Variants in SCAMP1 observed in about 807,000 individuals in gnomAD.
SCAMP1 encodes secretory carrier membrane protein 1.
A neutral mutation model predicts 41.8 loss-of-function variants in SCAMP1; 15 were observed. The observed-to-expected ratio is 0.36, with a 90% confidence interval of 0.24 to 0.55. The LOEUF (loss-of-function observed/expected upper bound fraction) is 0.55, where lower values mean the gene tolerates loss of function less well. Ranked by LOEUF, SCAMP1 falls within the 20% of genes least tolerant of loss-of-function variation. The probability of loss-of-function intolerance (pLI) is 0.86; values close to 1 mark genes in which losing one functional copy is unlikely to be tolerated. For missense variants in SCAMP1, 341 were observed against 412.6 expected (o/e 0.83, Z 1.50); for synonymous variants, 135 against 136.8 (o/e 0.99, Z 0.09).
intron 1 of SCAMP1, among the ~76,000 whole-genome samples, chr5:78,366,651 C>A (rs1750803423): frequency 6.6e-6 from 1 of 152,160 alleles, no homozygotes; most frequent in African/African-American, 2.4e-5. Flanking sequence ...TTTACCTTGA[C>A]AATGATACTT....
chr5:78,396,188 A>G (rs1441470034), intron 2 of SCAMP1, among the ~76,000 whole-genome samples: 1 of 152,210 alleles, frequency 6.6e-6, no homozygotes, highest in Non-Finnish European at 1.5e-5. Context: ...ATGTCATTAT[A>G]CATTTGTCCA....
At chr5:78,379,122 C>T (rs1751136848) in intron 1 of SCAMP1, among the ~76,000 whole-genome samples, 1 of 152,138 alleles carries the variant, frequency 6.6e-6, no homozygotes, top group Non-Finnish European at 1.5e-5. Context: ...TTGGAAAGTC[C>T]TAGTTTAATT....
Position 78,476,481 on chromosome 5 carries a change from C to A in SCAMP1, c.*813C>A, listed in dbSNP as rs1486705361. 2 of 152,410 alleles carry A rather than the reference C, an allele frequency of 1.3e-5. No homozygotes were observed. The highest frequency in any genetic ancestry group is 2.4e-5 in the African/African-American group (1 of 41,370). 9.4% of individuals were successfully genotyped at this position (152,410 alleles called of 1,614,324 possible). ...GCAGTAGAAAGTAGTGGTAATAATT[C>A]CTTTTTAAAAAAATTTCGGTAGTCA... On this transcript the variant is annotated 3_prime_UTR_variant, in exon 9 of 9. Coordinates refer to ENST00000621999, the MANE Select transcript of SCAMP1 (RefSeq NM_004866.6).
At chr5:78,366,724 G>A (rs1406182413) in intron 1 of SCAMP1, among the ~76,000 whole-genome samples, 1 of 152,080 alleles carries the variant, frequency 6.6e-6, no homozygotes, top group African/African-American at 2.4e-5. Flanking sequence ...GATAGCTCAT[G>A]CTTGTAATCC....
chr5:78,365,157 T>A (rs529959142), intron 1 of SCAMP1, among the ~76,000 whole-genome samples: 2 of 152,084 alleles, frequency 1.3e-5, no homozygotes, highest in Non-Finnish European at 2.9e-5. Flanking sequence ...GTACTAATAT[T>A]TAGTATTAAT....
chr5:78,436,861 G>C (rs1752770406), intron 6 of SCAMP1, among the ~76,000 whole-genome samples: 1 of 152,158 alleles, frequency 6.6e-6, no homozygotes, highest in Admixed American at 6.5e-5. Context: ...CATGGGCATG[G>C]AATATTCTTC....
intron 6 of SCAMP1, among the ~76,000 whole-genome samples, chr5:78,449,509 G>A (rs1753163032): frequency 6.6e-6 from 1 of 152,178 alleles, no homozygotes; most frequent in Admixed American, 6.5e-5. Context: ...AGGAAACTTT[G>A]GGGATATGCT....
Position 78,370,201 on chromosome 5 carries a change from A to G in SCAMP1, c.57+9473A>G, listed in dbSNP as rs184240166. 7.9e-5 allele frequency among the ~76,000 whole-genome samples: 12 copies of G among 152,324 alleles called. No individual in the cohort carries two copies. In the East Asian group the frequency reaches 2.1e-3, roughly 27 times the overall value. On this transcript the variant is annotated intron_variant, in intron 1 of 8. Transcript: ENST00000621999. ...GTGTAAAGTAACATTTTCTTGCCAA[A>G]AGGGTGATAGAGTTAAGCCTGTATT...
At chr5:78,429,646 A>G (rs982004941) in intron 6 of SCAMP1, among the ~76,000 whole-genome samples, 2 of 152,092 alleles carry the variant, frequency 1.3e-5, no homozygotes, top group Admixed American at 6.6e-5. Context: ...GTTCTAGGCA[A>G]GAATGCCACA....
In SCAMP1 at chr5:78,480,257, A is replaced by G. The variant is rs1754110437; in HGVS notation, c.*4589A>G. 6.6e-6 allele frequency among the ~76,000 whole-genome samples: 1 copy of G among 152,196 alleles called. No individual in the cohort carries two copies. The highest frequency in any genetic ancestry group is 1.5e-5 in the Non-Finnish European group (1 of 68,028). On this transcript the variant is annotated 3_prime_UTR_variant, in exon 9 of 9. Transcript: ENST00000621999. ...TAAAAGCCATTTAATCTTTTCTGTA[A>G]TAGGAGCAGAAAATAGTTAATCATC...
chr5:78,393,149 T>C (rs1751562036), intron 2 of SCAMP1, among the ~76,000 whole-genome samples: 2 of 152,194 alleles, frequency 1.3e-5, no homozygotes, highest in South Asian at 4.1e-4. Flanking sequence ...TAAGGAAGGC[T>C]ACAGTATGGA....
rs753721100 is a variant in SCAMP1, at chr5:78,449,900, C to T, written c.633-33C>T. 1.1e-5 allele frequency: 14 copies of T among 1,226,844 alleles called. No homozygotes were observed. In the East Asian group the frequency reaches 2.3e-4, roughly 20 times the overall value. The allele number at this position is 1,226,844 out of a possible 1,614,324, so 76.0% of individuals were successfully genotyped here. On this transcript the variant is annotated intron_variant, in intron 6 of 8. Coordinates refer to ENST00000621999, the MANE Select transcript of SCAMP1 (RefSeq NM_004866.6). ...CCCCTTCTTTCTCTCCCCCTAACCC[C>T]CTTTTTTCTTTCTTTCTTTTTTTTT...
intron 6 of SCAMP1, among the ~76,000 whole-genome samples, chr5:78,438,978 TTC>T (rs1752844204): frequency 6.6e-6 from 1 of 152,216 alleles, no homozygotes; most frequent in Non-Finnish European, 1.5e-5. Flanking sequence ...ACAGCCTTCT[TTC>T]TCTCTTTTGA....
At chr5:78,424,059 G>A (rs1307430206) in intron 6 of SCAMP1, among the ~76,000 whole-genome samples, 1 of 152,104 alleles carries the variant, frequency 6.6e-6, no homozygotes, top group Non-Finnish European at 1.5e-5. Context: ...GGTCAGGCTG[G>A]TCTCGAACTG....
intron 6 of SCAMP1, among the ~76,000 whole-genome samples, chr5:78,448,483 A>G (rs1037512512): frequency 6.6e-6 from 1 of 152,206 alleles, no homozygotes; most frequent in South Asian, 2.1e-4. Context: ...TCTAATTACA[A>G]CATCAGAAAA....
intron 1 of SCAMP1, among the ~76,000 whole-genome samples, chr5:78,387,924 A>T (rs1030725668): frequency 3.3e-5 from 5 of 152,228 alleles, no homozygotes; most frequent in African/African-American, 4.8e-5. Context: ...TCCAGCCAGG[A>T]GGTGGCACTT....
chr5:78,377,857 A>C (rs1165286336), intron 1 of SCAMP1, among the ~76,000 whole-genome samples: 1 of 152,134 alleles, frequency 6.6e-6, no homozygotes, highest in African/African-American at 2.4e-5. Flanking sequence ...TATATGATAC[A>C]TTTTACTGAT....
At chr5:78,456,462 A>G (rs1170873171) in intron 7 of SCAMP1, among the ~76,000 whole-genome samples, 2 of 151,996 alleles carry the variant, frequency 1.3e-5, no homozygotes, top group African/African-American at 2.4e-5. Context: ...TTGGCTGGAT[A>G]TGAAATTCTG....
chr5:78,467,591 T>C (rs1753778818), intron 8 of SCAMP1, among the ~76,000 whole-genome samples: 1 of 152,198 alleles, frequency 6.6e-6, no homozygotes, highest in Non-Finnish European at 1.5e-5. Context: ...GTTGTTGTTG[T>C]TGTTTTTACC....
Sources: allele counts gnomAD v4.1 joint callset (sites outside exome capture counted in the v4.1 genomes callset), GRCh38; gene constraint gnomAD v4.1.1; transcripts MANE v1.5; gene names NCBI Gene and HGNC (gene_info 2026-07-23, HGNC 2026-07-21).